The following LDLRAD3 variants were observed in gnomAD, a reference collection of about 807,000 sequenced individuals.
The protein encoded by LDLRAD3 is low-density lipoprotein receptor class A domain-containing protein 3.
LDLRAD3 carries 20 observed loss-of-function variants against 29.4 expected under a neutral mutation model. The observed-to-expected ratio is 0.68, with a 90% CI of 0.48 to 0.99. The LOEUF is 0.99. LDLRAD3 is among the 50% of genes least tolerant of loss of function. The pLI is 0.00. For synonymous variants in LDLRAD3, 157 were observed against 192.7 expected (o/e 0.81, Z 1.53); for missense variants, 420 against 454.3 (o/e 0.92, Z 0.69).
chr11:36,214,144 T>C (rs1855321285), intron 4 of LDLRAD3, among the ~76,000 whole-genome samples: 1 of 152,116 alleles, frequency 6.6e-6, no homozygotes, highest in Non-Finnish European at 1.5e-5. Context: ...GTCAGGCAAG[T>C]TGTTCTAGGC....
chr11:36,136,889 C>T (rs1027987308), intron 4 of LDLRAD3, among the ~76,000 whole-genome samples: 1 of 152,088 alleles, frequency 6.6e-6, no homozygotes, highest in African/African-American at 2.4e-5. Flanking sequence ...CAGGGTTTTG[C>T]CATGTTGGCC....
chr11:35,968,326 G>C, intron 1 of LDLRAD3: 1 of 362,608 alleles, frequency 2.8e-6, no homozygotes, highest in Admixed American at 3.5e-5. Flanking sequence ...CTGGAAGGAG[G>C]CTTTGCTGTT....
chr11:35,952,537 A>C (rs1354964579), intron 1 of LDLRAD3, among the ~76,000 whole-genome samples: 1 of 152,226 alleles, frequency 6.6e-6, no homozygotes, highest in Non-Finnish European at 1.5e-5. Context: ...GACTGAATTT[A>C]TTAAACAAAA....
chr11:36,202,691 A>T (rs7943733), intron 4 of LDLRAD3, among the ~76,000 whole-genome samples: 3 of 152,076 alleles, frequency 2.0e-5, no homozygotes, highest in Non-Finnish European at 4.4e-5. Context: ...GGAAATTATT[A>T]TAAGTCCCCA....
At chr11:36,198,955 G>T (rs1230676608) in intron 4 of LDLRAD3, among the ~76,000 whole-genome samples, 1 of 151,938 alleles carries the variant, frequency 6.6e-6, no homozygotes, top group Non-Finnish European at 1.5e-5. Context: ...GGCTGGAATG[G>T]AATGGCGCGA....
At chr11:36,210,667 A>G (rs1343097657) in intron 4 of LDLRAD3, among the ~76,000 whole-genome samples, 2 of 152,154 alleles carry the variant, frequency 1.3e-5, no homozygotes, top group Non-Finnish European at 2.9e-5. Flanking sequence ...CATTTCAAGA[A>G]GTATAAATAT....
chr11:36,010,429 G>A (rs1851941213), intron 1 of LDLRAD3, among the ~76,000 whole-genome samples: 1 of 152,120 alleles, frequency 6.6e-6, no homozygotes, highest in Admixed American at 6.5e-5. Context: ...TTCCCAAATG[G>A]ATGCCTAAAA....
intron 4 of LDLRAD3, among the ~76,000 whole-genome samples, chr11:36,115,329 T>G (rs530278124): frequency 6.6e-6 from 1 of 152,206 alleles, no homozygotes; most frequent in African/African-American, 2.4e-5. Context: ...GGATGATTTG[T>G]TATGTAGTAG....
At chr11:36,082,084 A>C (rs186216424) in intron 3 of LDLRAD3, among the ~76,000 whole-genome samples, 17 of 152,368 alleles carry the variant, frequency 1.1e-4, no homozygotes, top group African/African-American at 3.8e-4. Context: ...AGAGAAGTAC[A>C]TTAACTCATC....
chr11:36,214,091 CCAGAAGG>C (rs1443900788), intron 4 of LDLRAD3, among the ~76,000 whole-genome samples: 6 of 152,164 alleles, frequency 3.9e-5, no homozygotes, highest in African/African-American at 1.4e-4. Context: ...CTCTTTTAAA[CCAGAAGG>C]CTGTGGGGCC....
rs1256249445 is a variant in LDLRAD3 at position 36,229,681 on chromosome 11, G to T, written c.*284G>T. The T allele has an allele frequency of 2.2e-6, 1 of 449,864 alleles. No individual in the cohort carries two copies. The allele number at this position is 449,864 out of a possible 1,614,324, so 27.9% of individuals were successfully genotyped here. A position where few individuals can be genotyped will look rare whatever the true frequency, so the allele number is the denominator to read the frequency against. On this transcript the variant is annotated 3_prime_UTR_variant, in exon 6 of 6. Transcript: ENST00000315571. ...CACATTATTCTGTTTCTGTTGGAGAGACAGCATATAAAACAGTATTGAAAT... is the reference window on the plus strand; with the variant it reads ...CACATTATTCTGTTTCTGTTGGAGATACAGCATATAAAACAGTATTGAAAT...
intron 2 of LDLRAD3, among the ~76,000 whole-genome samples, chr11:36,041,064 T>C (rs1438317744): frequency 6.6e-6 from 1 of 152,186 alleles, no homozygotes; most frequent in East Asian, 1.9e-4. Context: ...TGGGACACTT[T>C]GAGTATATTT....
Position 35,944,151 on chromosome 11 carries a change from C to A in LDLRAD3, c.46+7C>A. The A allele has an allele frequency of 9.7e-7, 1 of 1,026,976 alleles. No individual in the cohort carries two copies. Among genetic ancestry groups the A allele is most frequent in the East Asian group, 8.6e-5 (1 of 11,584 alleles). The allele number at this position is 1,026,976 out of a possible 1,614,324, so 63.6% of individuals were successfully genotyped here. On this transcript the variant is annotated splice_region_variant and intron_variant, in intron 1 of 5. Coordinates refer to ENST00000315571, the MANE Select transcript of LDLRAD3 (RefSeq NM_174902.4). The surrounding 1 kb of genome is among the most constrained non-coding windows in gnomAD (Gnocchi z 4.9). ...CTGCTGAGCAGCGCCGCGGGTGAGT[C>A]GGGGGGCGGCCGGCGAACTTCCCGC... is the stretch of plus-strand genomic sequence containing the variant.
At chr11:36,028,050 C>T (rs142494398) in intron 1 of LDLRAD3, among the ~76,000 whole-genome samples, 271 of 152,324 alleles carry the variant, frequency 1.8e-3, no homozygotes, top group African/African-American at 5.9e-3. Flanking sequence ...GAAAAGCAAG[C>T]GCTTGCAAAA....
intron 1 of LDLRAD3, among the ~76,000 whole-genome samples, chr11:35,957,655 C>G (rs1282531107): frequency 6.6e-6 from 1 of 151,762 alleles, no homozygotes; most frequent in Non-Finnish European, 1.5e-5. Flanking sequence ...CAAAAATTAG[C>G]CGGGCACAGT....
chr11:36,106,403 T>G (rs1169759468), intron 4 of LDLRAD3, among the ~76,000 whole-genome samples: 1 of 152,206 alleles, frequency 6.6e-6, no homozygotes, highest in East Asian at 1.9e-4. Flanking sequence ...AATGCCTAAG[T>G]TAGCTGGTGA....
At chr11:36,189,870 C>T (rs1040482249) in intron 4 of LDLRAD3, among the ~76,000 whole-genome samples, 1 of 152,086 alleles carries the variant, frequency 6.6e-6, no homozygotes, top group Non-Finnish European at 1.5e-5. Context: ...AGAATGATGA[C>T]TTCCAGCTTC....
At chr11:35,963,240 C>T (rs745598430) in intron 1 of LDLRAD3, among the ~76,000 whole-genome samples, 3 of 152,154 alleles carry the variant, frequency 2.0e-5, no homozygotes, top group Non-Finnish European at 2.9e-5. Context: ...GAAATTGACC[C>T]TTCTGGTCTT....
chr11:36,051,592 A>C lies in LDLRAD3; in HGVS notation c.193+15343A>C, dbSNP rs147772749. ...GTTCTTGACATTACTTCATGCTTTA[A>C]ATTCTCCTGTATAAAAGTTATGGTA... On this transcript the variant is annotated intron_variant, in intron 2 of 5. Transcript: ENST00000315571. 9.2e-5 allele frequency among the ~76,000 whole-genome samples: 14 copies of C among 152,292 alleles called. No homozygotes were observed. The East Asian group carries it at 2.7e-3, about 29-fold the overall frequency.
Sources: gnomAD v4.1 joint callset for allele counts (sites outside exome capture counted in the v4.1 genomes callset) on GRCh38, gnomAD v4.1.1 for gene constraint, Gnocchi (gnomAD v3.1) non-coding constraint, MANE v1.5 for transcripts, NCBI Gene and HGNC (gene_info 2026-07-23, HGNC 2026-07-21) for gene names.